BIK: variants seen among roughly 807,000 people sequenced by gnomAD.
The protein encoded by BIK is BCL2 interacting killer, also known as bcl-2-interacting killer.
A neutral mutation model predicts 12.1 loss-of-function variants in BIK; 14 were observed. The observed-to-expected ratio is 1.16, with a 90% CI of 0.77 to 1.81. The LOEUF (loss-of-function observed/expected upper bound fraction) is 1.81. Among genes scored for constraint, BIK ranks in the 40% most tolerant of loss-of-function variants. The pLI is 0.00. For synonymous variants in BIK, 86 were observed against 92.3 expected, an observed-to-expected ratio of 0.93 and a Z score of 0.39; for missense variants, 215 against 207.9, an observed-to-expected ratio of 1.03 and a Z score of -0.21.
intron 1 of BIK, among the ~76,000 whole-genome samples, chr22:43,116,720 G>A (rs1930121172): frequency 6.6e-6 from 1 of 152,148 alleles, no homozygotes; most frequent in Admixed American, 6.6e-5. Flanking sequence ...GCCTCCCAAA[G>A]TGCTGGGATT....
intron 2 of BIK, among the ~76,000 whole-genome samples, 193 bp downstream of exon 2, chr22:43,124,376 C>T (rs1216749008): frequency 6.6e-6 from 1 of 152,138 alleles, no homozygotes; most frequent in Non-Finnish European, 1.5e-5. Context: ...CCCACCCTCC[C>T]CTGATACCAG....
At chr22:43,120,946 C>T (rs932553920) in intron 1 of BIK, among the ~76,000 whole-genome samples, 1 of 152,228 alleles carries the variant, frequency 6.6e-6, no homozygotes, top group South Asian at 2.1e-4. Context: ...GAGGCTGAGG[C>T]GGGTGGATCA....
chr22:43,129,228 G>GTGCTGCTGGCGC lies in BIK; in HGVS notation c.415_426dup (p.Ala139_Leu142dup), dbSNP rs1569468710. 6.2e-7 allele frequency: 1 copy of GTGCTGCTGGCGC among 1,604,854 alleles called. No homozygotes were observed. Among genetic ancestry groups the GTGCTGCTGGCGC allele is most frequent in the Non-Finnish European group, 8.5e-7 (1 of 1,179,814 alleles). On this transcript the variant is annotated inframe_insertion, in exon 5 of 5. Coordinates refer to ENST00000216115, the MANE Select transcript of BIK (RefSeq NM_001197.5). ...GCTCCCACAGGTGTCCTGCGAACAG[G>GTGCTGCTGGCGC]TGCTGCTGGCGCTGCTGCTGCTGCT... is the stretch of plus-strand genomic sequence containing the variant.
At position 43,124,212 on chromosome 22, in the gene BIK, T is replaced by A. The variant is rs4988416; in HGVS notation, c.161+29T>A. 3 of 1,609,452 alleles carry A rather than the reference T, an allele frequency of 1.9e-6. No individual in the cohort carries two copies. In the African/African-American group the frequency reaches 4.0e-5, roughly 21 times the overall value. ...GGTCCCCATGGCCTGCCCTACCCCC[T>A]GCCTGATAGTGACTTCAGGGGTGGG... On this transcript the variant is annotated intron_variant, in intron 2 of 4. Transcript: ENST00000216115.
chr22:43,119,296 G>GA (rs944020143), intron 1 of BIK, among the ~76,000 whole-genome samples: 12 of 150,826 alleles, frequency 8.0e-5, no homozygotes, highest in Non-Finnish European at 1.2e-4. Context: ...AAGTTTGCTG[G>GA]AAAAAAAAAG....
intron 2 of BIK, 121 bp downstream of exon 2, chr22:43,124,304 A>T (rs1459395868): frequency 8.1e-7 from 1 of 1,235,728 alleles, no homozygotes; most frequent in African/African-American, 1.5e-5. Flanking sequence ...GGCCTCCGAG[A>T]GGAAGATTTC....
intron 1 of BIK, among the ~76,000 whole-genome samples, chr22:43,119,902 T>C (rs1930186810): frequency 6.6e-6 from 1 of 151,122 alleles, no homozygotes; most frequent in African/African-American, 2.5e-5. Flanking sequence ...CCCAGGAGTT[T>C]GAGGCTGTAG....
chr22:43,125,280 A>G (rs940333449), intron 2 of BIK, among the ~76,000 whole-genome samples: 5 of 152,094 alleles, frequency 3.3e-5, no homozygotes, highest in African/African-American at 1.2e-4. Context: ...CTGATGTCCT[A>G]TCTCATCCTG....
chr22:43,116,146 A>C (rs943870276), intron 1 of BIK, among the ~76,000 whole-genome samples: 2 of 152,218 alleles, frequency 1.3e-5, no homozygotes, highest in African/African-American at 4.8e-5. Flanking sequence ...CATGGTGATA[A>C]AAAGGCACAG....
At chr22:43,112,005 G>A (rs1930020641) in intron 1 of BIK, among the ~76,000 whole-genome samples, 1 of 152,076 alleles carries the variant, frequency 6.6e-6, no homozygotes, top group African/African-American at 2.4e-5. Context: ...GCCTCGGAAG[G>A]GCCACTCCAT....
At chr22:43,126,051 CA>C (rs1313142818) in intron 2 of BIK, among the ~76,000 whole-genome samples, 2 of 148,512 alleles carry the variant, frequency 1.3e-5, no homozygotes, top group African/African-American at 5.0e-5. Context: ...TTTTTTGAGA[CA>C]GAGTCTCTGT....
At chr22:43,114,878 C>T (rs146930496) in intron 1 of BIK, among the ~76,000 whole-genome samples, 114 of 152,330 alleles carry the variant, frequency 7.5e-4, no homozygotes, top group African/African-American at 2.7e-3. Flanking sequence ...CTACATCTGC[C>T]CATGGGGCTT....
At chr22:43,128,713 C>A in intron 4 of BIK, 88 bp downstream of exon 4, 1 of 1,474,508 alleles carries the variant, frequency 6.8e-7, no homozygotes, top group Non-Finnish European at 9.1e-7. Context: ...CAGTCCCCAC[C>A]ACTCCGTATC....
chr22:43,126,768 G>A (rs1052842329), intron 2 of BIK, among the ~76,000 whole-genome samples: 7 of 152,042 alleles, frequency 4.6e-5, no homozygotes, highest in Admixed American at 3.9e-4. Context: ...GTCCATTAAT[G>A]GACAAGGTTG....
intron 2 of BIK, among the ~76,000 whole-genome samples, chr22:43,125,404 A>AT (rs1481729498): frequency 6.6e-6 from 1 of 151,934 alleles, no homozygotes; most frequent in Non-Finnish European, 1.5e-5. Flanking sequence ...GACGGCTCTC[A>AT]TTTTAGAAAA....
At chr22:43,122,840 T>C (rs1930245046) in intron 1 of BIK, among the ~76,000 whole-genome samples, 1 of 152,148 alleles carries the variant, frequency 6.6e-6, no homozygotes, top group Non-Finnish European at 1.5e-5. Context: ...GGTCAGCCAC[T>C]GCAGCTCCAT....
intron 1 of BIK, among the ~76,000 whole-genome samples, chr22:43,115,905 C>T (rs961332824): frequency 3.9e-5 from 6 of 152,022 alleles, no homozygotes; most frequent in South Asian, 4.2e-4. Flanking sequence ...TACAGGTGCC[C>T]GCCACCACGC....
chr22:43,116,752 C>T (rs562791386), intron 1 of BIK, among the ~76,000 whole-genome samples: 32 of 152,274 alleles, frequency 2.1e-4, no homozygotes, highest in Non-Finnish European at 3.7e-4. Context: ...CCACCGTGCC[C>T]GGCCTGGTGA....
Position 43,129,307 on chromosome 22 carries a change from G to GC in BIK, c.*6dup. On this transcript the variant is annotated 3_prime_UTR_variant, in exon 5 of 5. Coordinates refer to ENST00000216115, the MANE Select transcript of BIK (RefSeq NM_001197.5). ...GGCCTGCACCTGCTGCTCAAGTGAG[G>GC]CCCCGGCGGCTCAGGGCGGGGCTGG... The GC allele has an allele frequency of 8.1e-6, 13 of 1,598,210 alleles. No homozygotes were observed. The highest frequency in any genetic ancestry group is 3.3e-5 in the South Asian group (3 of 90,920).
Sources: allele counts gnomAD v4.1 joint callset (sites outside exome capture counted in the v4.1 genomes callset), GRCh38; gene constraint gnomAD v4.1.1; transcripts MANE v1.5; gene names NCBI Gene and HGNC (gene_info 2026-07-23, HGNC 2026-07-21).